Variants in ADRA1B observed in about 807,000 individuals in gnomAD.
ADRA1B encodes the protein alpha-1B adrenergic receptor.
ADRA1B carries 17 observed loss-of-function variants against 17.9 expected under a neutral mutation model. That is an observed-to-expected ratio of 0.95 (90% CI 0.65 to 1.42). The LOEUF is 1.42. ADRA1B is among the 40% of genes most tolerant of loss of function. The probability of loss-of-function intolerance (pLI) is 0.00; values close to 1 mark genes in which losing one functional copy is unlikely to be tolerated. For missense variants in ADRA1B, 681 were observed against 722.1 expected, an observed-to-expected ratio of 0.94 and a Z score of 0.65; for synonymous variants, 366 against 327.6, an observed-to-expected ratio of 1.12 and a Z score of -1.27.
chr5:159,983,187 G>T, the ADRA1B span, among the ~76,000 whole-genome samples: 1 of 152,184 alleles, frequency 6.6e-6, no homozygotes. Context: ...GAGGCTGGTG[G>T]CTTCCCCACA....
downstream of ADRA1B, among the ~76,000 whole-genome samples, chr5:159,973,937 C>G (rs1032914244): frequency 1.3e-5 from 2 of 152,232 alleles, no homozygotes; most frequent in South Asian, 2.1e-4. Flanking sequence ...AGGAGGAACG[C>G]TCTTCCCCCA....
intron 1 of ADRA1B, among the ~76,000 whole-genome samples, chr5:159,907,550 G>A (rs1471818479): frequency 1.3e-5 from 2 of 151,944 alleles, no homozygotes; most frequent in Non-Finnish European, 2.9e-5. Flanking sequence ...GTAAAGCTCT[G>A]TAAGGATAGC....
intron 1 of ADRA1B, among the ~76,000 whole-genome samples, chr5:159,905,972 A>G (rs1754157846): frequency 1.3e-5 from 2 of 151,960 alleles, no homozygotes; most frequent in Non-Finnish European, 2.9e-5. Flanking sequence ...TTCTCCTGTC[A>G]GCCTCCCAAA....
Position 159,881,299 on chromosome 5 carries a change from T to TTCTCTCTCTC in ADRA1B, c.-256+16131_-256+16140dup, listed in dbSNP as rs11471058. Among the ~76,000 whole-genome samples, 87 of 131,936 alleles carry TTCTCTCTCTC rather than the reference T, an allele frequency of 6.6e-4. 2 individuals are homozygous for TTCTCTCTCTC. Among genetic ancestry groups the TTCTCTCTCTC allele is most frequent in the South Asian group, 9.7e-4 (4 of 4,128 alleles). 86.6% of individuals were successfully genotyped at this position (131,936 alleles called of 152,430 possible). ...GTGGAATGAGAACAATATCAGAAAG[T>TTCTCTCTCTC]TCTCTCTCTCTCTCTCTCTCTCTCT... On this transcript the variant is annotated intron_variant, in intron 1 of 2. Coordinates refer to the ADRA1B transcript ENST00000641205.
intron 1 of ADRA1B, among the ~76,000 whole-genome samples, chr5:159,899,275 G>GAAGGAAGGAAGGAAGGAAGA (rs1561585294): frequency 7.1e-4 from 88 of 124,192 alleles, no homozygotes; most frequent in African/African-American, 2.4e-3. Context: ...AGGAAGGAAG[G>GAAGGAAGGAAGGAAGGAAGA]AAGGAAGGAA....
chr5:159,930,855 A>C (rs180833367), intron 1 of ADRA1B, among the ~76,000 whole-genome samples: 1 of 151,974 alleles, frequency 6.6e-6, no homozygotes, highest in African/African-American at 2.4e-5. Flanking sequence ...ATGTGATAGA[A>C]TACAAATTGG....
chr5:159,946,948 T>G (rs1755288586), intron 1 of ADRA1B, among the ~76,000 whole-genome samples: 1 of 152,218 alleles, frequency 6.6e-6, no homozygotes, highest in Non-Finnish European at 1.5e-5. Flanking sequence ...TGAGCACTTA[T>G]GATGTCCCTA....
chr5:159,965,074 A>T (rs1168635097), intron 1 of ADRA1B, among the ~76,000 whole-genome samples: 2 of 152,172 alleles, frequency 1.3e-5, no homozygotes, highest in Non-Finnish European at 2.9e-5. Flanking sequence ...CCTACCTGTG[A>T]TGTCTGAGCA....
chr5:159,936,965 G>A (rs866808296), intron 1 of ADRA1B, among the ~76,000 whole-genome samples: 3 of 152,166 alleles, frequency 2.0e-5, no homozygotes, highest in Non-Finnish European at 4.4e-5. Flanking sequence ...GGTCCTCAGC[G>A]CAGCAGCATT....
intron 1 of ADRA1B, among the ~76,000 whole-genome samples, chr5:159,952,846 A>G (rs960159633): frequency 1.3e-5 from 2 of 152,222 alleles, no homozygotes; most frequent in East Asian, 3.8e-4. Context: ...TATTGTGAGA[A>G]TCAGCACACA....
upstream of ADRA1B, among the ~76,000 whole-genome samples, chr5:159,914,275 G>T (rs1754256358): frequency 6.6e-6 from 1 of 152,168 alleles, no homozygotes; most frequent in South Asian, 2.1e-4. Context: ...AGTTCTTCCA[G>T]TCTCACACCC....
chr5:159,965,636 C>T (rs1755761470), intron 1 of ADRA1B, among the ~76,000 whole-genome samples: 1 of 152,148 alleles, frequency 6.6e-6, no homozygotes, highest in Non-Finnish European at 1.5e-5. Flanking sequence ...CGGGACCCCC[C>T]TAATCCCAGC....
At chr5:159,979,313 C>T in the ADRA1B span, among the ~76,000 whole-genome samples, 1 of 152,194 alleles carries the variant, frequency 6.6e-6, no homozygotes, top group Admixed American at 6.5e-5. Flanking sequence ...GGGCATGTCT[C>T]CTATCCTCTG....
At chr5:159,943,048 C>T (rs1561602427) in intron 1 of ADRA1B, among the ~76,000 whole-genome samples, 1 of 152,016 alleles carries the variant, frequency 6.6e-6, no homozygotes, top group Non-Finnish European at 1.5e-5. Context: ...CCCGTCTCTA[C>T]TAAAAATACA....
In ADRA1B at chr5:159,881,299, T is replaced by TTCTCTCTGTCTCTCTCTC. The variant is rs56069000; in HGVS notation, c.-256+16100_-256+16101insGTCTCTCTCTCTCTCTCT. Among the ~76,000 whole-genome samples, 313 of 132,058 alleles carry TTCTCTCTGTCTCTCTCTC rather than the reference T, an allele frequency of 2.4e-3. 22 individuals are homozygous for TTCTCTCTGTCTCTCTCTC. Among genetic ancestry groups the TTCTCTCTGTCTCTCTCTC allele is most frequent in the Admixed American group, 5.1e-3 (69 of 13,564 alleles). The allele number at this position is 132,058 out of a possible 152,430, so 86.6% of individuals were successfully genotyped here. ...GTGGAATGAGAACAATATCAGAAAG[T>TTCTCTCTGTCTCTCTCTC]TCTCTCTCTCTCTCTCTCTCTCTCT... On this transcript the variant is annotated intron_variant, in intron 1 of 2. Transcript: ENST00000641205.
At chr5:159,963,304 A>G (rs868435803) in intron 1 of ADRA1B, among the ~76,000 whole-genome samples, 1 of 137,830 alleles carries the variant, frequency 7.3e-6, no homozygotes, top group East Asian at 3.0e-4. Context: ...ATATATATAT[A>G]TATATCCACA....
intron 1 of ADRA1B, among the ~76,000 whole-genome samples, chr5:159,897,973 C>T (rs1219225027): frequency 1.3e-5 from 2 of 152,216 alleles, no homozygotes; most frequent in African/African-American, 2.4e-5. Context: ...GGCACAGCTC[C>T]CGCATCTTAT....
chr5:159,926,652 C>T (rs1169802512), intron 1 of ADRA1B, among the ~76,000 whole-genome samples: 2 of 151,992 alleles, frequency 1.3e-5, no homozygotes, highest in Admixed American at 6.6e-5. Context: ...TTTGGGAGGC[C>T]GAGGCGGGCG....
At chr5:159,902,592 G>T (rs1365386741) in intron 1 of ADRA1B, among the ~76,000 whole-genome samples, 1 of 152,046 alleles carries the variant, frequency 6.6e-6, no homozygotes, top group Non-Finnish European at 1.5e-5. Flanking sequence ...ACTCTTCAAG[G>T]CCCCACCCTG....
Sources: gnomAD v4.1 joint callset for allele counts (sites outside exome capture counted in the v4.1 genomes callset) on GRCh38, gnomAD v4.1.1 for gene constraint, MANE v1.5 for transcripts, NCBI Gene and HGNC (gene_info 2026-07-23, HGNC 2026-07-21) for gene names.